CYSTM1: variants seen among roughly 807,000 people sequenced by gnomAD.
CYSTM1 encodes the protein cysteine rich transmembrane module containing 1.
Under a neutral mutation model 13.1 loss-of-function variants are expected in CYSTM1, and 4 were observed. That is an observed-to-expected ratio of 0.31 (90% CI 0.15 to 0.70). CYSTM1 has a LOEUF of 0.70. Among genes scored for constraint, CYSTM1 ranks in the 30% least tolerant of loss-of-function variants. The pLI is 0.72. For missense variants in CYSTM1, 96 were observed against 121.6 expected (o/e 0.79, Z 0.99); for synonymous variants, 36 against 42.7 (o/e 0.84, Z 0.62).
rs59645751 is a variant in CYSTM1, at chr5:140,197,157, A to T, written c.187+2505A>T. Among the ~76,000 whole-genome samples, 65 of 152,254 alleles carry T rather than the reference A, an allele frequency of 4.3e-4. No individual in the cohort carries two copies. In the South Asian group the frequency reaches 7.0e-3, roughly 16 times the overall value. ...ATACTGACTCTCTAACTAGCATTTG[A>T]TGAGTTTAGAACTTTATTGAGTTTG... On this transcript the variant is annotated intron_variant, in intron 2 of 2. Transcript: ENST00000261811.
At chr5:140,186,256 A>C (rs954723506) in intron 1 of CYSTM1, among the ~76,000 whole-genome samples, 1 of 152,226 alleles carries the variant, frequency 6.6e-6, no homozygotes, top group African/African-American at 2.4e-5. Flanking sequence ...AAGTTACATG[A>C]ATCCTTTTAA....
At chr5:140,238,973 GCTGGT>G (rs1200208963) in intron 2 of CYSTM1, among the ~76,000 whole-genome samples, 1 of 152,196 alleles carries the variant, frequency 6.6e-6, no homozygotes, top group African/African-American at 2.4e-5. Flanking sequence ...GGTGCCCATC[GCTGGT>G]CTGGGTGATA....
At chr5:140,236,133 T>A (rs1399255298) in intron 2 of CYSTM1, among the ~76,000 whole-genome samples, 1 of 152,238 alleles carries the variant, frequency 6.6e-6, no homozygotes, top group East Asian at 1.9e-4. Context: ...CTCTCACCAC[T>A]ATGAGAAGCT....
intron 2 of CYSTM1, among the ~76,000 whole-genome samples, chr5:140,217,759 C>G (rs1581068292): frequency 6.6e-6 from 1 of 152,118 alleles, no homozygotes; most frequent in Non-Finnish European, 1.5e-5. Flanking sequence ...AAGCCCATAT[C>G]TGCAGTTTCT....
rs1581071800 is a variant in CYSTM1, at chr5:140,228,616, A to G, written c.188-14689A>G. On this transcript the variant is annotated intron_variant, in intron 2 of 2. Transcript: ENST00000261811. ...CTGCCCTGCCCTTGTGGAGCTAACA[A>G]TCTAGACAGAACCAGTCTGCAGAGT... 2.0e-5 allele frequency: 8 copies of G among 396,374 alleles called. No individual in the cohort carries two copies. The East Asian group carries it at 2.9e-4, about 14-fold the overall frequency. The allele number at this position is 396,374 out of a possible 1,614,324, so 24.6% of individuals were successfully genotyped here.
intron 1 of CYSTM1, among the ~76,000 whole-genome samples, chr5:140,183,289 G>A (rs968103759): frequency 5.9e-5 from 9 of 152,024 alleles, no homozygotes; most frequent in Non-Finnish European, 1.2e-4. Context: ...TGCCCTAACC[G>A]CTCCTTTCAA....
intron 2 of CYSTM1, chr5:140,228,931 T>C (rs901462607): frequency 3.0e-5 from 12 of 397,416 alleles, no homozygotes; most frequent in African/African-American, 2.3e-4. Context: ...CTTCTTTCTT[T>C]GACAATAACT....
rs1313228486 is a variant in CYSTM1 at position 140,194,498 on chromosome 5, C to T, written c.33C>T (p.Gly11=). ...AAGAGAACCCTCCACCATATCCAGG[C>T]CCTGGTCCAACGGCCCCATACCCAC... MNQENPPPYP[G]PGPTAPYPPY... is the part of the protein sequence containing the mutation. Residue 11 remains glycine, a synonymous_variant, in exon 2 of 3, where the codon GGC becomes GGT. Transcript: ENST00000261811. 1.9e-6 allele frequency: 3 copies of T among 1,609,178 alleles called. No homozygotes were observed. The East Asian group carries it at 6.7e-5, about 36-fold the overall frequency.
At chr5:140,178,441 CTTTTTTTTT>C (rs577709524) in intron 1 of CYSTM1, among the ~76,000 whole-genome samples, 9 of 52,628 alleles carry the variant, frequency 1.7e-4, no homozygotes, top group South Asian at 7.4e-4. Context: ...CAAGTCCTTC[CTTTTTTTTT>C]TTTTTTTTTT....
At chr5:140,186,005 T>C (rs1267038072) in intron 1 of CYSTM1, among the ~76,000 whole-genome samples, 2 of 152,228 alleles carry the variant, frequency 1.3e-5, no homozygotes, top group Non-Finnish European at 2.9e-5. Flanking sequence ...TCTGTCAAAC[T>C]ACCTTCACCA....
chr5:140,180,371 G>C (rs1436821389), intron 1 of CYSTM1, among the ~76,000 whole-genome samples: 1 of 152,190 alleles, frequency 6.6e-6, no homozygotes, highest in Non-Finnish European at 1.5e-5. Context: ...GGGAAATTCT[G>C]ACAGAAAAGG....
At chr5:140,203,464 T>C (rs1446676860) in intron 2 of CYSTM1, among the ~76,000 whole-genome samples, 1 of 152,202 alleles carries the variant, frequency 6.6e-6, no homozygotes, top group African/African-American at 2.4e-5. Context: ...TCATTCCTTG[T>C]TGGGAGAGTG....
intron 1 of CYSTM1, among the ~76,000 whole-genome samples, chr5:140,183,622 C>T (rs892713262): frequency 7.9e-5 from 12 of 152,160 alleles, no homozygotes; most frequent in South Asian, 2.1e-4. Flanking sequence ...TGCTCCTCCC[C>T]GATATGGGGG....
rs142429375 is a variant in CYSTM1, at chr5:140,214,432, A to G, written c.187+19780A>G. Reference sequence around the variant, plus strand: ...CAACTGCTCTTTGCAGATCCAATTTATTCAGCTGGCTGATGGGATGTGATC... The same window carrying G: ...CAACTGCTCTTTGCAGATCCAATTTGTTCAGCTGGCTGATGGGATGTGATC... On this transcript the variant is annotated intron_variant, in intron 2 of 2. Coordinates refer to ENST00000261811, the MANE Select transcript of CYSTM1 (RefSeq NM_032412.4). Among the ~76,000 whole-genome samples the G allele has an allele frequency of 6.5e-3, 987 of 152,334 alleles. 6 individuals are homozygous for G. Among genetic ancestry groups the G allele is most frequent in the African/African-American group, 0.022 (918 of 41,570 alleles).
chr5:140,236,888 A>G lies in CYSTM1; in HGVS notation c.188-6417A>G, dbSNP rs532849327. Among the ~76,000 whole-genome samples the G allele has an allele frequency of 7.2e-5, 11 of 152,324 alleles. No individual in the cohort carries two copies. The East Asian group carries it at 1.7e-3, about 24-fold the overall frequency. Reference sequence around the variant, plus strand: ...TCTATTTTATTTAAATGGGGTGATAACCTTCTTGTAGAGTAACATGGTCTT... The same window carrying G: ...TCTATTTTATTTAAATGGGGTGATAGCCTTCTTGTAGAGTAACATGGTCTT... On this transcript the variant is annotated intron_variant, in intron 2 of 2. Coordinates refer to ENST00000261811, the MANE Select transcript of CYSTM1 (RefSeq NM_032412.4).
chr5:140,186,146 C>T (rs1464054421), intron 1 of CYSTM1, among the ~76,000 whole-genome samples: 1 of 152,130 alleles, frequency 6.6e-6, no homozygotes, highest in Non-Finnish European at 1.5e-5. Context: ...AGTTCTTTAC[C>T]TCTTATCTCC....
intron 2 of CYSTM1, among the ~76,000 whole-genome samples, chr5:140,208,978 G>T (rs559719169): frequency 1.3e-5 from 2 of 151,244 alleles, no homozygotes; most frequent in South Asian, 4.2e-4. Context: ...GGCAGAGGTT[G>T]CAGTGAGCCG....
At chr5:140,228,854 A>G in intron 2 of CYSTM1, 1 of 398,762 alleles carries the variant, frequency 2.5e-6, no homozygotes, top group East Asian at 3.6e-5. Context: ...AGATCCGAGT[A>G]TTTCCCTACA....
At chr5:140,232,046 A>G (rs566374191) in intron 2 of CYSTM1, among the ~76,000 whole-genome samples, 38 of 152,208 alleles carry the variant, frequency 2.5e-4, no homozygotes, top group Non-Finnish European at 5.3e-4. Flanking sequence ...GGGAAGTAAA[A>G]TCAACCAGAC....
Sources: gnomAD v4.1 joint callset for allele counts (sites outside exome capture counted in the v4.1 genomes callset) on GRCh38, gnomAD v4.1.1 for gene constraint, MANE v1.5 for transcripts, NCBI Gene and HGNC (gene_info 2026-07-23, HGNC 2026-07-21) for gene names.